ZMAT4: variants seen among roughly 807,000 people sequenced by gnomAD.
The protein encoded by ZMAT4 is zinc finger matrin-type protein 4.
Under a neutral mutation model 28.7 loss-of-function variants are expected in ZMAT4, and 17 were observed. That is an observed-to-expected ratio of 0.59 (90% confidence interval 0.41 to 0.89). The LOEUF is 0.89. Among genes scored for constraint, ZMAT4 ranks in the 40% least tolerant of loss-of-function variants. ZMAT4 has a pLI of 0.00. For missense variants in ZMAT4, 240 were observed against 283.8 expected (o/e 0.85, Z 1.11); for synonymous variants, 117 against 109.2 (o/e 1.07, Z -0.44).
At chr8:40,708,012 T>C (rs1310782335) in intron 3 of ZMAT4, among the ~76,000 whole-genome samples, 1 of 152,066 alleles carries the variant, frequency 6.6e-6, no homozygotes, top group Non-Finnish European at 1.5e-5. Flanking sequence ...CAAATAAAAA[T>C]AGAACTAGAA....
chr8:40,858,922 G>T (rs1249691193), intron 1 of ZMAT4, among the ~76,000 whole-genome samples: 1 of 152,144 alleles, frequency 6.6e-6, no homozygotes, highest in African/African-American at 2.4e-5. Context: ...CCATGTTTAC[G>T]ATCCATGGTG....
chr8:40,765,976 C>T (rs575670657), intron 3 of ZMAT4, among the ~76,000 whole-genome samples: 21 of 152,246 alleles, frequency 1.4e-4, no homozygotes, highest in South Asian at 1.0e-3. Flanking sequence ...CCATAGAGTT[C>T]GGAGGTTACA....
chr8:40,866,578 T>C (rs1197729317), intron 1 of ZMAT4, among the ~76,000 whole-genome samples: 3 of 152,224 alleles, frequency 2.0e-5, no homozygotes, highest in African/African-American at 7.2e-5. Flanking sequence ...GGCTCACATC[T>C]GGCTGTTTTA....
chr8:40,641,513 T>C (rs1421153755), intron 5 of ZMAT4, among the ~76,000 whole-genome samples: 3 of 152,212 alleles, frequency 2.0e-5, no homozygotes, highest in Non-Finnish European at 4.4e-5. Context: ...ATTCTTTTAT[T>C]TTTTAAGCTA....
intron 5 of ZMAT4, among the ~76,000 whole-genome samples, chr8:40,590,815 A>G (rs1300342533): frequency 2.0e-5 from 3 of 152,056 alleles, no homozygotes; most frequent in Non-Finnish European, 2.9e-5. Flanking sequence ...CATTTCTGCT[A>G]AGCCACATCT....
At chr8:40,810,064 C>A (rs1044862646) in intron 2 of ZMAT4, among the ~76,000 whole-genome samples, 15 of 151,922 alleles carry the variant, frequency 9.9e-5, no homozygotes, top group African/African-American at 3.6e-4. Flanking sequence ...AACAAACAAA[C>A]AAAATATATA....
At chr8:40,806,125 C>A (rs976153048) in intron 2 of ZMAT4, among the ~76,000 whole-genome samples, 1 of 152,052 alleles carries the variant, frequency 6.6e-6, no homozygotes, top group African/African-American at 2.4e-5. Context: ...AAAACCAAAA[C>A]GGTAAAGGTC....
At chr8:40,896,035 A>G (rs753329812) in intron 1 of ZMAT4, among the ~76,000 whole-genome samples, 2 of 152,224 alleles carry the variant, frequency 1.3e-5, no homozygotes, top group Non-Finnish European at 2.9e-5. Flanking sequence ...TAGGAAGTAC[A>G]GAAGAGAACG....
chr8:40,634,589 A>G (rs2118738042), intron 5 of ZMAT4, among the ~76,000 whole-genome samples: 1 of 152,332 alleles, frequency 6.6e-6, no homozygotes, highest in East Asian at 1.9e-4. Flanking sequence ...GTTATCCTAC[A>G]TGTAATTAAG....
At chr8:40,691,768 G>T (rs1490682329) in intron 4 of ZMAT4, among the ~76,000 whole-genome samples, 1 of 152,110 alleles carries the variant, frequency 6.6e-6, no homozygotes, top group African/African-American at 2.4e-5. Flanking sequence ...TCTGTAATGT[G>T]TTTCCGTCAC....
intron 5 of ZMAT4, among the ~76,000 whole-genome samples, chr8:40,583,046 TG>T: frequency 6.6e-6 from 1 of 152,156 alleles, no homozygotes; most frequent in African/African-American, 2.4e-5. Flanking sequence ...AAGAAAGAAA[TG>T]GGTAGAGACT....
intron 5 of ZMAT4, among the ~76,000 whole-genome samples, chr8:40,624,114 A>G (rs561058458): frequency 6.6e-6 from 1 of 152,192 alleles, no homozygotes; most frequent in South Asian, 2.1e-4. Flanking sequence ...TGTGCCCCCA[A>G]AATTCATATG....
intron 1 of ZMAT4, among the ~76,000 whole-genome samples, chr8:40,835,451 T>G (rs1449609208): frequency 6.6e-6 from 1 of 152,218 alleles, no homozygotes; most frequent in Non-Finnish European, 1.5e-5. Flanking sequence ...TTGCTATGTA[T>G]TGGCTACCTG....
chr8:40,641,765 A>T (rs1807038494), intron 5 of ZMAT4, among the ~76,000 whole-genome samples: 1 of 152,218 alleles, frequency 6.6e-6, no homozygotes, highest in African/African-American at 2.4e-5. Context: ...AGTATTTTTA[A>T]GTATACAATA....
intron 5 of ZMAT4, 33 bp downstream of exon 5, chr8:40,674,670 GT>G (rs1279025783): frequency 1.3e-6 from 2 of 1,570,052 alleles, no homozygotes; most frequent in African/African-American, 2.7e-5. Flanking sequence ...TGAAAGCCCA[GT>G]TTTGTGGCAG....
intron 1 of ZMAT4, among the ~76,000 whole-genome samples, chr8:40,827,395 G>A (rs542075613): frequency 3.9e-5 from 6 of 152,296 alleles, no homozygotes; most frequent in Admixed American, 3.9e-4. Flanking sequence ...GCCAAGTCCT[G>A]AACAATGCAA....
chr8:40,858,226 G>C lies in ZMAT4; in HGVS notation c.-4-32546C>G, dbSNP rs183728403. On this transcript the variant is annotated intron_variant, in intron 1 of 6. Coordinates refer to ENST00000297737, the MANE Select transcript of ZMAT4 (RefSeq NM_024645.3). ...ACTCAAGAGCTCCAACAGACAGACC[G>C]GAAGAAGAGATTTGCCACTAATGAA... 6.1e-4 allele frequency among the ~76,000 whole-genome samples: 93 copies of C among 152,306 alleles called. 1 individual carries two copies. Among genetic ancestry groups the C allele is most frequent in the African/African-American group, 2.1e-3 (88 of 41,564 alleles).
chr8:40,843,313 G>C (rs1216074477), intron 1 of ZMAT4, among the ~76,000 whole-genome samples: 1 of 152,088 alleles, frequency 6.6e-6, no homozygotes, highest in Non-Finnish European at 1.5e-5. Flanking sequence ...CGACCCCACA[G>C]CCCCATGACA....
intron 2 of ZMAT4, among the ~76,000 whole-genome samples, chr8:40,809,451 T>A (rs920215571): frequency 1.3e-5 from 2 of 152,152 alleles, no homozygotes; most frequent in African/African-American, 4.8e-5. Context: ...CCTGTACATG[T>A]ATCCTCAGAA....
Sources: gnomAD v4.1 joint callset for allele counts (sites outside exome capture counted in the v4.1 genomes callset) on GRCh38, gnomAD v4.1.1 for gene constraint, MANE v1.5 for transcripts, NCBI Gene and HGNC (gene_info 2026-07-23, HGNC 2026-07-21) for gene names.